ASAP3: variants seen among roughly 807,000 people sequenced by gnomAD.
ASAP3 encodes arf-GAP with SH3 domain, ANK repeat and PH domain-containing protein 3.
ASAP3 carries 85 observed loss-of-function variants against 118.2 expected under a neutral mutation model. The observed-to-expected ratio is 0.72, with a 90% CI of 0.60 to 0.86. The LOEUF is 0.86. ASAP3 is among the 40% of genes least tolerant of loss of function. The pLI is 0.00. For synonymous variants in ASAP3, 432 were observed against 477.4 expected (o/e 0.90, Z 1.24); for missense variants, 1,026 against 1,175.0 (o/e 0.87, Z 1.85).
At position 23,437,597 on chromosome 1, in the gene ASAP3, G is replaced by T. The variant is rs561581469; in HGVS notation, c.1103-125C>A. Reference sequence around the variant, plus strand: ...TGTCCCTGACAAGTCGGACTCTCAAGCTAGGAGTGGGAAGGGAGTGGAATG... The same window carrying T: ...TGTCCCTGACAAGTCGGACTCTCAATCTAGGAGTGGGAAGGGAGTGGAATG... On this transcript the variant is annotated intron_variant, in intron 12 of 24. Transcript: ENST00000336689. This position sits in a 1 kb window ranked among gnomAD's most constrained non-coding sequence, Gnocchi z 6.1. 5.9e-6 allele frequency: 7 copies of T among 1,192,558 alleles called. No homozygotes were observed. Among genetic ancestry groups the T allele is most frequent in the Non-Finnish European group, 8.3e-6 (7 of 846,646 alleles). 73.9% of individuals were successfully genotyped at this position (1,192,558 alleles called of 1,614,324 possible). A position where few individuals can be genotyped will look rare whatever the true frequency, so the allele number is the denominator to read the frequency against.
At chr1:23,447,083 G>A (rs372279406) in intron 5 of ASAP3, among the ~76,000 whole-genome samples, 4 of 152,106 alleles carry the variant, frequency 2.6e-5, no homozygotes, top group Admixed American at 6.5e-5. Flanking sequence ...GACAGGAGGC[G>A]GAACTCAGGC....
intron 1 of ASAP3, among the ~76,000 whole-genome samples, chr1:23,468,294 TA>T (rs1641841797): frequency 6.6e-6 from 1 of 152,170 alleles, no homozygotes; most frequent in Non-Finnish European, 1.5e-5. Flanking sequence ...CTGACGAGTA[TA>T]AAAATGTTTC....
At chr1:23,455,045 G>A (rs1435262360) in intron 3 of ASAP3, among the ~76,000 whole-genome samples, 1 of 152,218 alleles carries the variant, frequency 6.6e-6, no homozygotes, top group Non-Finnish European at 1.5e-5. Flanking sequence ...CAGTGCCATG[G>A]AGCCTGGAGG....
chr1:23,436,800 T>C lies in ASAP3; in HGVS notation c.1476+111A>G, dbSNP rs897930050. On this transcript the variant is annotated intron_variant, in intron 15 of 24. Transcript: ENST00000336689. The surrounding 1 kb of genome is among the most constrained non-coding windows in gnomAD (Gnocchi z 4.2). Reference sequence around the variant, plus strand: ...CCCTGACCACCCGCTACCTGGCTTGTCCCAGCCCACCTCGGCCAGGTCCCA... The same window carrying C: ...CCCTGACCACCCGCTACCTGGCTTGCCCCAGCCCACCTCGGCCAGGTCCCA... 80 of 1,543,076 alleles carry C rather than the reference T, an allele frequency of 5.2e-5. No individual in the cohort carries two copies. In the Middle Eastern group the frequency reaches 9.5e-4, roughly 18 times the overall value.
intron 1 of ASAP3, among the ~76,000 whole-genome samples, chr1:23,483,601 G>C (rs1172027407): frequency 6.6e-6 from 1 of 152,188 alleles, no homozygotes; most frequent in African/African-American, 2.4e-5. Context: ...CCGGGGGGAA[G>C]AAAGTTCAGG....
rs1640858054 is a variant in ASAP3, at chr1:23,441,144, A to C, written c.902T>G (p.Phe301Cys). ...SIHQHQGNKQ[F>C]GTEKVGFLYK... ...TAGAAAGCCCACTTTCTCCGTCCCA[A>C]ACTGCTTGTTGCCTTGGTGCTGGTG... The change falls in exon 10 of 25, where the codon TTT (phenylalanine) becomes TGT (cysteine). Residue 301 changes from phenylalanine to cysteine, a missense_variant. Transcript: ENST00000336689. 1 of 1,613,984 alleles carries C rather than the reference A, an allele frequency of 6.2e-7. No individual in the cohort carries two copies. The highest frequency in any genetic ancestry group is 1.1e-5 in the South Asian group (1 of 91,084).
At chr1:23,462,885 G>A (rs1641642542) in intron 1 of ASAP3, among the ~76,000 whole-genome samples, 1 of 152,192 alleles carries the variant, frequency 6.6e-6, no homozygotes, top group African/African-American at 2.4e-5. Context: ...GTTCCTGGGA[G>A]TCCAGGGAAA....
At chr1:23,434,657 T>G (rs750823439) in intron 17 of ASAP3, 39 bp from the exon 18 acceptor site, 2 of 1,584,758 alleles carry the variant, frequency 1.3e-6, no homozygotes, top group South Asian at 1.1e-5. Context: ...CCCCCCCCAG[T>G]GCACCTGCCT....
intron 3 of ASAP3, 127 bp downstream of exon 3, chr1:23,455,754 G>T: frequency 8.2e-7 from 1 of 1,224,372 alleles, no homozygotes; most frequent in Non-Finnish European, 1.2e-6. Flanking sequence ...AGGGACCTCA[G>T]GTCTGAACTC....
At chr1:23,441,582 T>C (rs1640875080) in intron 8 of ASAP3, 73 bp downstream of exon 8, 1 of 1,604,214 alleles carries the variant, frequency 6.2e-7, no homozygotes, top group South Asian at 1.1e-5. Context: ...AGAAGCCAGC[T>C]CTTCCACACC....
chr1:23,482,859 G>A (rs1393575226), intron 1 of ASAP3, among the ~76,000 whole-genome samples: 1 of 152,008 alleles, frequency 6.6e-6, no homozygotes, highest in Non-Finnish European at 1.5e-5. Flanking sequence ...GGCTGAGGCA[G>A]GAGAATGGTG....
chr1:23,439,069 G>T, intron 11 of ASAP3, 92 bp downstream of exon 11: 1 of 1,513,668 alleles, frequency 6.6e-7, no homozygotes, highest in Non-Finnish European at 9.1e-7. Context: ...TTGGGGGCCA[G>T]TCTTAGAGGG....
Position 23,434,622 on chromosome 1 carries a change from A to G in ASAP3, c.1750-4T>C. 1 of 1,613,508 alleles carries G rather than the reference A, an allele frequency of 6.2e-7. No individual in the cohort carries two copies. The highest frequency in any genetic ancestry group is 8.5e-7 in the Non-Finnish European group (1 of 1,179,894). On this transcript the variant is annotated splice_polypyrimidine_tract_variant and splice_region_variant and intron_variant, in intron 17 of 24. Coordinates refer to ENST00000336689, the MANE Select transcript of ASAP3 (RefSeq NM_017707.4). ...GCAAGACGAGTTCTTCAGGTGCCTG[A>G]AAACACATCCACACCTCTGAGATTC...
intron 20 of ASAP3, 32 bp downstream of exon 20, chr1:23,433,594 G>C: frequency 6.2e-7 from 1 of 1,614,220 alleles, no homozygotes; most frequent in Non-Finnish European, 8.5e-7. Context: ...GAGAGAAAGA[G>C]TCAGGGGCCC....
chr1:23,436,555 C>T lies in ASAP3; in HGVS notation c.1571+5G>A. 2 of 1,614,102 alleles carry T rather than the reference C, an allele frequency of 1.2e-6. No individual in the cohort carries two copies. The highest frequency in any genetic ancestry group is 1.7e-6 in the Non-Finnish European group (2 of 1,179,908). ...GGGTGCCCCTCTCTCTGAGAATCCC[C>T]TTACATGTCACTCTCAGCTGAGGGT... On this transcript the variant is annotated splice_donor_5th_base_variant and intron_variant, in intron 16 of 24. Transcript: ENST00000336689. The surrounding 1 kb of genome is among the most constrained non-coding windows in gnomAD (Gnocchi z 4.2).
At chr1:23,459,809 G>A (rs1178070672) in intron 1 of ASAP3, among the ~76,000 whole-genome samples, 1 of 152,176 alleles carries the variant, frequency 6.6e-6, no homozygotes, top group East Asian at 1.9e-4. Context: ...GTTCCTTTAA[G>A]CAAGTTTGAG....
rs966286438 is a variant in ASAP3 at position 23,430,206 on chromosome 1, T to G, written c.2638-276A>C. 6.6e-5 allele frequency among the ~76,000 whole-genome samples: 10 copies of G among 152,196 alleles called. No homozygotes were observed. The East Asian group carries it at 1.9e-3, about 29-fold the overall frequency. ...TCAGGGCAATAGTGGAACCAGAATA[T>G]GGACATAGATTTGTGTCTGCTGACT... On this transcript the variant is annotated intron_variant, in intron 24 of 24. Transcript: ENST00000336689.
Position 23,429,824 on chromosome 1 carries a change from C to G in ASAP3, c.*32G>C. On this transcript the variant is annotated 3_prime_UTR_variant, in exon 25 of 25. Coordinates refer to ENST00000336689, the MANE Select transcript of ASAP3 (RefSeq NM_017707.4). ...AAGTCCCAGCTCTGAACATTGGGGC[C>G]TAGCATGGGGCATGTGGGGGCCAGC... The G allele has an allele frequency of 6.2e-7, 1 of 1,607,028 alleles. No homozygotes were observed. Among genetic ancestry groups the G allele is most frequent in the Non-Finnish European group, 8.5e-7 (1 of 1,176,206 alleles).
intron 1 of ASAP3, among the ~76,000 whole-genome samples, chr1:23,480,735 G>T (rs1291899342): frequency 6.6e-6 from 1 of 152,186 alleles, no homozygotes; most frequent in Non-Finnish European, 1.5e-5. Flanking sequence ...GAGTCAGAGA[G>T]ACCCACTGTG....
Sources: allele counts gnomAD v4.1 joint callset (sites outside exome capture counted in the v4.1 genomes callset), GRCh38; gene constraint gnomAD v4.1.1; non-coding constraint Gnocchi (gnomAD v3.1); transcripts MANE v1.5; gene names NCBI Gene and HGNC (gene_info 2026-07-23, HGNC 2026-07-21).